MCTP1: variants seen among roughly 807,000 people sequenced by gnomAD.
MCTP1 encodes multiple C2 and transmembrane domain containing 1.
Under a neutral mutation model 120.6 loss-of-function variants are expected in MCTP1, and 69 were observed. The observed-to-expected ratio is 0.57, with a 90% CI of 0.47 to 0.70. The LOEUF (loss-of-function observed/expected upper bound fraction) is 0.70. Among genes scored for constraint, MCTP1 ranks in the 30% least tolerant of loss-of-function variants. The pLI is 0.00. For synonymous variants in MCTP1, 529 were observed against 493.1 expected (o/e 1.07, Z -0.96); for missense variants, 1,203 against 1,248.8 (o/e 0.96, Z 0.55).
intron 19 of MCTP1, among the ~76,000 whole-genome samples, chr5:94,742,377 G>C (rs1028142247): frequency 1.3e-5 from 2 of 152,120 alleles, no homozygotes; most frequent in African/African-American, 4.8e-5. Context: ...CTTTTTATCA[G>C]TTTTAAGTGT....
chr5:95,004,276 TCTGAAA>T (rs1166996795), intron 2 of MCTP1, among the ~76,000 whole-genome samples: 4 of 152,190 alleles, frequency 2.6e-5, no homozygotes, highest in Admixed American at 2.0e-4. Context: ...AAAGAGATTA[TCTGAAA>T]CTGAAACTTA....
At chr5:94,778,842 G>A (rs1561621082) in intron 19 of MCTP1, among the ~76,000 whole-genome samples, 1 of 152,068 alleles carries the variant, frequency 6.6e-6, no homozygotes, top group Non-Finnish European at 1.5e-5. Context: ...TTATCTTCAC[G>A]AGAGCTATCA....
At chr5:94,931,618 T>C (rs1311554038) in intron 6 of MCTP1, 1 of 233,308 alleles carries the variant, frequency 4.3e-6, no homozygotes, top group Non-Finnish European at 8.2e-6. Context: ...TGTGCGAATC[T>C]TTCTTCTGTC....
rs777965739 is a variant in MCTP1 at position 94,873,172 on chromosome 5, T to G, written c.2003A>C (p.Asn668Thr). Residue 668 changes from asparagine to threonine, a missense_variant, in exon 13 of 23, where the codon AAT becomes ACT. By Grantham distance (65) the Asn-to-Thr change is moderately conservative. Coordinates refer to ENST00000515393, the MANE Select transcript of MCTP1 (RefSeq NM_024717.7). ...GACTTTATTCCACTCAGGATTGAGA[T>G]TTTTGTAGACAGTATGTGTTAGCAG... ...DRLLTHTVYK[N>T]LNPEWNKVFT... The G allele has an allele frequency of 6.2e-7, 1 of 1,610,232 alleles. No homozygotes were observed.
At chr5:95,081,624 C>A in intron 1 of MCTP1, 1 of 1,367,736 alleles carries the variant, frequency 7.3e-7, no homozygotes, top group Non-Finnish European at 9.5e-7. Context: ...ACTTGCTGCT[C>A]TGCACAGCAG....
intron 1 of MCTP1, among the ~76,000 whole-genome samples, chr5:95,223,590 A>G (rs766529693): frequency 2.0e-5 from 3 of 152,244 alleles, no homozygotes; most frequent in Non-Finnish European, 4.4e-5. Context: ...AGGAACATTA[A>G]TTAATTGTGT....
chr5:94,811,546 T>G (rs1437103861), intron 17 of MCTP1, among the ~76,000 whole-genome samples: 1 of 152,190 alleles, frequency 6.6e-6, no homozygotes, highest in Non-Finnish European at 1.5e-5. Context: ...TTCTGAAATG[T>G]TTTCTTCAAA....
chr5:95,204,092 T>C (rs1262035538), intron 1 of MCTP1, among the ~76,000 whole-genome samples: 2 of 152,162 alleles, frequency 1.3e-5, no homozygotes, highest in East Asian at 3.9e-4. Flanking sequence ...TGGGGGGCTC[T>C]ATAATCTTAG....
Position 94,914,492 on chromosome 5 carries a change from T to C in MCTP1, c.1351-1516A>G, listed in dbSNP as rs1432100131. Among the ~76,000 whole-genome samples, 3 of 152,384 alleles carry C rather than the reference T, an allele frequency of 2.0e-5. No homozygotes were observed. In the East Asian group the frequency reaches 5.8e-4, roughly 29 times the overall value. On this transcript the variant is annotated intron_variant, in intron 8 of 22. Coordinates refer to ENST00000515393, the MANE Select transcript of MCTP1 (RefSeq NM_024717.7). Reference sequence around the variant, plus strand: ...AACTACATTCTTCAAAAGATAATACTTCTAATATTTGAACATTTCAATGAA... The same window carrying C: ...AACTACATTCTTCAAAAGATAATACCTCTAATATTTGAACATTTCAATGAA...
intron 2 of MCTP1, among the ~76,000 whole-genome samples, chr5:95,008,467 G>A (rs181486314): frequency 3.3e-5 from 5 of 152,160 alleles, no homozygotes; most frequent in Admixed American, 3.3e-4. Context: ...CATCACAGGG[G>A]GCAGGGAAAT....
intron 1 of MCTP1, among the ~76,000 whole-genome samples, chr5:95,184,926 T>C (rs1749029717): frequency 6.6e-6 from 1 of 152,148 alleles, no homozygotes; most frequent in South Asian, 2.1e-4. Context: ...CCAATCAGCA[T>C]TCCCCACTTC....
chr5:94,971,431 C>A (rs547821960), intron 2 of MCTP1, among the ~76,000 whole-genome samples: 20 of 152,080 alleles, frequency 1.3e-4, no homozygotes, highest in African/African-American at 4.8e-4. Context: ...AAGGTTCTAG[C>A]AAGATAAAGT....
intron 1 of MCTP1, among the ~76,000 whole-genome samples, chr5:95,167,626 T>C (rs549217915): frequency 1.3e-5 from 2 of 152,342 alleles, no homozygotes; most frequent in East Asian, 3.9e-4. Flanking sequence ...TGGTATCTCA[T>C]TGTGGTTTTG....
chr5:95,009,056 AAGAG>A (rs201724037), intron 2 of MCTP1, among the ~76,000 whole-genome samples: 4,914 of 128,772 alleles, frequency 0.038, 131 homozygotes, highest in East Asian at 0.084. Flanking sequence ...GAGAGGGAGA[AAGAG>A]AGAGAGAGAG....
At chr5:94,765,145 C>T (rs578036608) in intron 19 of MCTP1, among the ~76,000 whole-genome samples, 3 of 152,036 alleles carry the variant, frequency 2.0e-5, no homozygotes, top group Non-Finnish European at 4.4e-5. Context: ...CGCTAAACAA[C>T]AATTGGGTCA....
At chr5:94,946,783 C>G (rs932910639) in intron 3 of MCTP1, among the ~76,000 whole-genome samples, 2 of 152,174 alleles carry the variant, frequency 1.3e-5, no homozygotes, top group South Asian at 2.1e-4. Flanking sequence ...GTTTTGGGAT[C>G]TCACTCAGGT....
intron 19 of MCTP1, among the ~76,000 whole-genome samples, chr5:94,733,004 A>T (rs1296353813): frequency 6.6e-6 from 1 of 152,210 alleles, no homozygotes; most frequent in Non-Finnish European, 1.5e-5. Context: ...TTAAATTTAA[A>T]GTTGAAGTCT....
chr5:94,940,805 C>G (rs1817535974), intron 4 of MCTP1, among the ~76,000 whole-genome samples: 1 of 151,104 alleles, frequency 6.6e-6, no homozygotes, highest in South Asian at 2.1e-4. Flanking sequence ...ATGTATTATT[C>G]TTTCAGAGGT....
intron 19 of MCTP1, among the ~76,000 whole-genome samples, chr5:94,778,096 C>T (rs1775808126): frequency 6.6e-6 from 1 of 151,962 alleles, no homozygotes; most frequent in Non-Finnish European, 1.5e-5. Context: ...TGGTGGCACA[C>T]AAATTCTTAC....
Sources: gnomAD v4.1 joint callset for allele counts (sites outside exome capture counted in the v4.1 genomes callset) on GRCh38, gnomAD v4.1.1 for gene constraint, MANE v1.5 for transcripts, NCBI Gene and HGNC (gene_info 2026-07-23, HGNC 2026-07-21) for gene names.